MAN2A1: variants seen among roughly 807,000 people sequenced by gnomAD.
MAN2A1 encodes the protein alpha-mannosidase 2.
A neutral mutation model predicts 142.6 loss-of-function variants in MAN2A1; 76 were observed. The ratio of observed to expected loss-of-function variants is 0.53; its 90% CI spans 0.44 to 0.65. MAN2A1 has a LOEUF of 0.65. Ranked by LOEUF, MAN2A1 falls within the 30% of genes least tolerant of loss-of-function variation. MAN2A1 has a pLI of 0.00. For missense variants in MAN2A1, 1,311 were observed against 1,365.1 expected (o/e 0.96, Z 0.62); for synonymous variants, 559 against 473.2 (o/e 1.18, Z -2.35).
intron 20 of MAN2A1, among the ~76,000 whole-genome samples, chr5:109,856,021 G>GA (rs1278342788): frequency 6.6e-6 from 1 of 152,124 alleles, no homozygotes; most frequent in African/African-American, 2.4e-5. Context: ...GCCTAAGTAT[G>GA]AAAAGAAGAG....
At chr5:109,832,752 G>A (rs897123435) in intron 16 of MAN2A1, among the ~76,000 whole-genome samples, 1 of 151,314 alleles carries the variant, frequency 6.6e-6, no homozygotes, top group Non-Finnish European at 1.5e-5. Flanking sequence ...CGGATGGGGC[G>A]GCTGGCCGGG....
At chr5:109,865,332 G>T in intron 21 of MAN2A1, 186 bp downstream of exon 21, 1 of 574,102 alleles carries the variant, frequency 1.7e-6, no homozygotes, top group Admixed American at 3.0e-5. Flanking sequence ...TCCTTTCCTT[G>T]TTGACATCAA....
chr5:109,826,689 A>G (rs1354539281), intron 16 of MAN2A1, among the ~76,000 whole-genome samples: 1 of 152,208 alleles, frequency 6.6e-6, no homozygotes. Context: ...TTTTAATGAA[A>G]TCACTAATCA....
At chr5:109,793,238 C>CA in intron 12 of MAN2A1, among the ~76,000 whole-genome samples, 1 of 152,204 alleles carries the variant, frequency 6.6e-6, no homozygotes, top group Non-Finnish European at 1.5e-5. Context: ...CAAATTTCTA[C>CA]CTAGATCAGG....
chr5:109,705,476 T>A (rs1017724956), intron 1 of MAN2A1, among the ~76,000 whole-genome samples: 4 of 152,286 alleles, frequency 2.6e-5, no homozygotes, highest in South Asian at 2.1e-4. Context: ...GGCCTCACCC[T>A]CCATTGCTTG....
intron 16 of MAN2A1, among the ~76,000 whole-genome samples, chr5:109,824,651 C>T (rs1416371395): frequency 1.3e-5 from 2 of 152,114 alleles, no homozygotes; most frequent in African/African-American, 4.8e-5. Flanking sequence ...AGAAAAAATA[C>T]TATTTCCCTG....
At chr5:109,861,883 G>A (rs1447817177) in intron 20 of MAN2A1, among the ~76,000 whole-genome samples, 2 of 152,160 alleles carry the variant, frequency 1.3e-5, no homozygotes, top group Non-Finnish European at 1.5e-5. Flanking sequence ...AGAAGACTAA[G>A]GGCTAATCCA....
chr5:109,696,107 C>CT lies in MAN2A1; in HGVS notation c.135+5567dup, dbSNP rs755433787. ...TGGATAGTAGGTATCTAGTATATATCTTTTTTTTTTTTGAGACGGAGTCTC... is the reference window on the plus strand; with the variant it reads ...TGGATAGTAGGTATCTAGTATATATCTTTTTTTTTTTTTGAGACGGAGTCTC... On this transcript the variant is annotated intron_variant, in intron 1 of 21. Coordinates refer to ENST00000261483, the MANE Select transcript of MAN2A1 (RefSeq NM_002372.4). 7.6e-3 allele frequency among the ~76,000 whole-genome samples: 1,101 copies of CT among 145,672 alleles called. 9 individuals are homozygous for CT. The highest frequency in any genetic ancestry group is 0.015 in the African/African-American group (605 of 39,876).
At chr5:109,770,310 A>G (rs767108058) in intron 6 of MAN2A1, 45 bp from the exon 7 acceptor site, 4 of 1,560,894 alleles carry the variant, frequency 2.6e-6, no homozygotes, top group Non-Finnish European at 3.5e-6. Context: ...TTTTGGGAAA[A>G]CAGATTTTAT....
intron 1 of MAN2A1, among the ~76,000 whole-genome samples, chr5:109,693,767 G>C (rs1750738363): frequency 6.6e-6 from 1 of 152,248 alleles, no homozygotes; most frequent in East Asian, 1.9e-4. Context: ...CCGAAGCCTT[G>C]CTTCTGCTTC....
intron 1 of MAN2A1, among the ~76,000 whole-genome samples, chr5:109,692,502 C>T (rs948596680): frequency 3.9e-5 from 6 of 152,084 alleles, no homozygotes; most frequent in Admixed American, 3.3e-4. Flanking sequence ...CATTAGCCTT[C>T]GTATCTTACA....
At chr5:109,818,771 T>G (rs1754540863) in intron 13 of MAN2A1, among the ~76,000 whole-genome samples, 1 of 152,208 alleles carries the variant, frequency 6.6e-6, no homozygotes, top group Non-Finnish European at 1.5e-5. Context: ...GTTCACATAT[T>G]GGATAAAAAC....
At chr5:109,764,677 G>A (rs180728046) in intron 5 of MAN2A1, among the ~76,000 whole-genome samples, 210 of 152,158 alleles carry the variant, frequency 1.4e-3, no homozygotes, top group African/African-American at 4.9e-3. Flanking sequence ...CTACCCCTCT[G>A]GATCCAACGG....
intron 16 of MAN2A1, among the ~76,000 whole-genome samples, chr5:109,836,662 T>C (rs189349535): frequency 3.2e-4 from 48 of 152,320 alleles, no homozygotes; most frequent in African/African-American, 1.1e-3. Flanking sequence ...ACCTACTTGG[T>C]TTTATTTCTT....
chr5:109,698,379 C>A (rs992190801), intron 1 of MAN2A1, among the ~76,000 whole-genome samples: 1 of 152,190 alleles, frequency 6.6e-6, no homozygotes, highest in Non-Finnish European at 1.5e-5. Context: ...GATTATATGT[C>A]ACTTTCTTTG....
chr5:109,726,970 C>T (rs1374637175), intron 3 of MAN2A1, among the ~76,000 whole-genome samples: 1 of 152,040 alleles, frequency 6.6e-6, no homozygotes, highest in East Asian at 1.9e-4. Flanking sequence ...CCTTGTTGCA[C>T]GTGTATAATA....
chr5:109,798,174 G>A (rs906337151), intron 12 of MAN2A1, among the ~76,000 whole-genome samples: 1 of 152,176 alleles, frequency 6.6e-6, no homozygotes, highest in African/African-American at 2.4e-5. Flanking sequence ...ACAGCACCAT[G>A]GATCTGCAGC....
chr5:109,706,022 G>A (rs1004624399), intron 1 of MAN2A1, among the ~76,000 whole-genome samples: 1 of 152,176 alleles, frequency 6.6e-6, no homozygotes, highest in Admixed American at 6.5e-5. Context: ...GTAAGGCAAG[G>A]TATTCACAGA....
intron 4 of MAN2A1, among the ~76,000 whole-genome samples, chr5:109,739,294 A>G (rs1752198764): frequency 6.6e-6 from 1 of 152,172 alleles, no homozygotes; most frequent in Non-Finnish European, 1.5e-5. Flanking sequence ...TCTAGGTAGT[A>G]TAACTTTTCA....
Sources: allele counts gnomAD v4.1 joint callset (sites outside exome capture counted in the v4.1 genomes callset), GRCh38; gene constraint gnomAD v4.1.1; transcripts MANE v1.5; gene names NCBI Gene and HGNC (gene_info 2026-07-23, HGNC 2026-07-21).